Variants in TTLL7 observed in about 807,000 individuals in gnomAD.
TTLL7 encodes the protein tubulin polyglutamylase TTLL7.
A neutral mutation model predicts 120.2 loss-of-function variants in TTLL7; 53 were observed. That is an observed-to-expected ratio of 0.44 (90% confidence interval 0.35 to 0.55). The LOEUF is 0.55. Among genes scored for constraint, TTLL7 ranks in the 20% least tolerant of loss-of-function variants. TTLL7 has a pLI of 0.00. For missense variants in TTLL7, 803 were observed against 1,054.7 expected, an observed-to-expected ratio of 0.76 and a Z score of 3.31; for synonymous variants, 353 against 351.7, an observed-to-expected ratio of 1.00 and a Z score of -0.04.
intron 1 of TTLL7, among the ~76,000 whole-genome samples, chr1:83,994,608 G>A (rs944713723): frequency 5.9e-5 from 9 of 152,228 alleles, no homozygotes; most frequent in African/African-American, 2.2e-4. Flanking sequence ...AAGAGATGTT[G>A]GGAACTTTAT....
chr1:83,982,416 A>G (rs916466737), intron 1 of TTLL7, among the ~76,000 whole-genome samples: 2 of 152,138 alleles, frequency 1.3e-5, no homozygotes, highest in African/African-American at 4.8e-5. Context: ...TTATATAAAT[A>G]TAAGAAATCA....
At position 83,907,639 on chromosome 1, in the gene TTLL7, G is replaced by C. The variant is rs1406378096; in HGVS notation, c.1809C>G (p.Ser603Arg). 6.2e-7 allele frequency: 1 copy of C among 1,612,920 alleles called. No individual in the cohort carries two copies. The highest frequency in any genetic ancestry group is 1.7e-5 in the Admixed American group (1 of 59,838). ...QQPSSIRRSV[S>R]CPRSISAQSP... ...ATTGAGCAGAGATGGACCGAGGGCAGCTGACTGAACGTCTTATGGAGCCTA... is the reference window on the plus strand; with the variant it reads ...ATTGAGCAGAGATGGACCGAGGGCACCTGACTGAACGTCTTATGGAGCCTA... The change falls in exon 16 of 21, where the codon AGC becomes AGG. Residue 603 changes from serine to arginine, a missense_variant. Ser to Arg is a moderately radical substitution (Grantham distance 110). Around this residue, in one of 3 missense-constraint regions of TTLL7, gnomAD observed 388 missense variants for 450.4 expected, o/e 0.86. Coordinates refer to ENST00000260505, the MANE Select transcript of TTLL7 (RefSeq NM_024686.6).
chr1:83,902,607 T>A (rs1656817428), intron 18 of TTLL7, among the ~76,000 whole-genome samples: 2 of 152,006 alleles, frequency 1.3e-5, no homozygotes, highest in Admixed American at 6.6e-5. Flanking sequence ...TACTGGCTGC[T>A]CCTTCTCAGT....
At position 83,866,647 on chromosome 1, in the gene TTLL7, T is replaced by A. The variant is rs1465376687; in HGVS notation, c.*3315A>T. The A allele has an allele frequency of 6.6e-6, 1 of 151,900 alleles. No homozygotes were observed. Among genetic ancestry groups the A allele is most frequent in the Non-Finnish European group, 1.5e-5 (1 of 67,820 alleles). The allele number at this position is 151,900 out of a possible 1,614,324, so 9.4% of individuals were successfully genotyped here. On this transcript the variant is annotated 3_prime_UTR_variant, in exon 21 of 21. Transcript: ENST00000260505. Reference sequence around the variant, plus strand: ...TGCATCTTACCGACAACCAAGGACATTCAACTATGTTCTAGGCAGAGTTAC... The same window carrying A: ...TGCATCTTACCGACAACCAAGGACAATCAACTATGTTCTAGGCAGAGTTAC...
At chr1:83,988,201 C>A (rs1482804138) in intron 1 of TTLL7, among the ~76,000 whole-genome samples, 2 of 152,212 alleles carry the variant, frequency 1.3e-5, no homozygotes, top group Admixed American at 6.5e-5. Flanking sequence ...CATGTTGCTG[C>A]AAAAGATATC....
intron 18 of TTLL7, among the ~76,000 whole-genome samples, chr1:83,893,220 T>C (rs867957546): frequency 1.3e-5 from 2 of 151,994 alleles, no homozygotes; most frequent in Non-Finnish European, 2.9e-5. Flanking sequence ...AAACCAATCA[T>C]GAAAGAGTAT....
In TTLL7 at chr1:83,949,949, A is replaced by AAT. The variant is rs1648886256; in HGVS notation, c.194_195insAT (p.Pro66PhefsTer46). The AAT allele has an allele frequency of 6.2e-7, 1 of 1,613,394 alleles. No individual in the cohort carries two copies. The highest frequency in any genetic ancestry group is 8.5e-7 in the Non-Finnish European group (1 of 1,179,818). ...GATTACTTGTTTCATCCTCATCTGG[A>AAT]GTTTTCATAAATCCCATTTCATCTA... On this transcript the variant is annotated frameshift_variant, in exon 4 of 21. Coordinates refer to ENST00000260505, the MANE Select transcript of TTLL7 (RefSeq NM_024686.6). LOFTEE classifies it high-confidence loss of function.
intron 1 of TTLL7, among the ~76,000 whole-genome samples, chr1:83,987,008 A>T (rs1405273408): frequency 1.3e-5 from 2 of 152,040 alleles, no homozygotes; most frequent in African/African-American, 2.4e-5. Flanking sequence ...GTCTACATTT[A>T]AAAAAAACCC....
At position 83,941,070 on chromosome 1, in the gene TTLL7, C is replaced by T. The variant is rs146564048; in HGVS notation, c.723+1393G>A. On this transcript the variant is annotated intron_variant, in intron 7 of 20. Coordinates refer to ENST00000260505, the MANE Select transcript of TTLL7 (RefSeq NM_024686.6). ...GCCATACTCTGTCTTACCTCTGAGC[C>T]ATTCTTTTGCCTGGAGCTCCATCCA... Among the ~76,000 whole-genome samples the T allele has an allele frequency of 3.7e-4, 56 of 152,236 alleles. No individual in the cohort carries two copies. In the East Asian group the frequency reaches 0.01, roughly 28 times the overall value.
chr1:83,962,439 T>A (rs1650094121), intron 1 of TTLL7, among the ~76,000 whole-genome samples: 1 of 152,116 alleles, frequency 6.6e-6, no homozygotes, highest in South Asian at 2.1e-4. Context: ...TCCATCTACT[T>A]TTATGTCTTA....
At chr1:83,896,856 T>C (rs1385795470) in intron 18 of TTLL7, among the ~76,000 whole-genome samples, 1 of 152,138 alleles carries the variant, frequency 6.6e-6, no homozygotes, top group Non-Finnish European at 1.5e-5. Flanking sequence ...AAATCTGGCA[T>C]TCTTTGCAGC....
At chr1:83,889,070 CA>C (rs1169489899) in intron 19 of TTLL7, among the ~76,000 whole-genome samples, 2 of 151,966 alleles carry the variant, frequency 1.3e-5, no homozygotes, top group African/African-American at 4.8e-5. Flanking sequence ...GGGTAATTTA[CA>C]AAGGAAAGAG....
chr1:83,926,834 G>T (rs1261778466), intron 10 of TTLL7, among the ~76,000 whole-genome samples: 5 of 152,124 alleles, frequency 3.3e-5, no homozygotes, highest in Admixed American at 3.3e-4. Context: ...CTATTTTAAT[G>T]ATTGTAATAG....
chr1:83,972,635 G>T (rs894674636), intron 1 of TTLL7, among the ~76,000 whole-genome samples: 1 of 152,034 alleles, frequency 6.6e-6, no homozygotes, highest in Non-Finnish European at 1.5e-5. Flanking sequence ...TGGATCACAT[G>T]GTATGAACTG....
At chr1:83,930,248 C>A (rs768760151) in intron 9 of TTLL7, among the ~76,000 whole-genome samples, 1 of 152,048 alleles carries the variant, frequency 6.6e-6, no homozygotes, top group African/African-American at 2.4e-5. Flanking sequence ...AAATGCATGT[C>A]TATACTAACC....
rs146052167 is a variant in TTLL7, at chr1:83,959,065, AATT to A, written c.-176-6681_-176-6679del. Among the ~76,000 whole-genome samples, 1,187 of 152,354 alleles carry A rather than the reference AATT, an allele frequency of 7.8e-3. 23 individuals carry two copies. Among genetic ancestry groups the A allele is most frequent in the African/African-American group, 0.027 (1,126 of 41,580 alleles). On this transcript the variant is annotated intron_variant, in intron 1 of 20. Coordinates refer to ENST00000260505, the MANE Select transcript of TTLL7 (RefSeq NM_024686.6). ...GAAAAATTCATGTAGGTGATTGTGA[AATT>A]ATATATTAATGTCTAAAGAGTTCCA...
intron 14 of TTLL7, chr1:83,912,386 C>T (rs1657757758): frequency 6.6e-6 from 1 of 152,112 alleles, no homozygotes; most frequent in Non-Finnish European, 1.5e-5. Flanking sequence ...ATGTGCATAA[C>T]CAAGAACAAG....
chr1:83,927,968 G>C (rs1189902971), intron 10 of TTLL7, among the ~76,000 whole-genome samples: 2 of 152,208 alleles, frequency 1.3e-5, no homozygotes, highest in African/African-American at 4.8e-5. Flanking sequence ...TAAGAACTGT[G>C]CTAAATTCTC....
intron 18 of TTLL7, among the ~76,000 whole-genome samples, chr1:83,891,407 A>G (rs74094989): frequency 0.02 from 3,007 of 152,264 alleles, 103 homozygotes; most frequent in African/African-American, 0.067. Context: ...TAAAAGTCTG[A>G]CAATATCAAG....
Sources: allele counts gnomAD v4.1 joint callset (sites outside exome capture counted in the v4.1 genomes callset), GRCh38; gene constraint gnomAD v4.1.1; regional missense constraint gnomAD v4.1.1; transcripts MANE v1.5; gene names NCBI Gene and HGNC (gene_info 2026-07-23, HGNC 2026-07-21).